The following SPTLC2 variants were observed in gnomAD, a reference collection of about 807,000 sequenced individuals.
SPTLC2 encodes the protein serine palmitoyltransferase 2.
A neutral mutation model predicts 62.0 loss-of-function variants in SPTLC2; 21 were observed. The ratio of observed to expected loss-of-function variants is 0.34; its 90% CI spans 0.24 to 0.49. The LOEUF is 0.49. Ranked by LOEUF, SPTLC2 falls within the 20% of genes least tolerant of loss-of-function variation. The probability of loss-of-function intolerance (pLI) is 0.99; values close to 1 mark genes in which losing one functional copy is unlikely to be tolerated. For synonymous variants in SPTLC2, 261 were observed against 261.8 expected (o/e 1.00, Z 0.03); for missense variants, 511 against 713.0 (o/e 0.72, Z 3.23).
intron 1 of SPTLC2, among the ~76,000 whole-genome samples, chr14:77,603,378 T>C (rs2079888283): frequency 6.6e-6 from 1 of 152,240 alleles, no homozygotes; most frequent in African/African-American, 2.4e-5. Context: ...GCTATGTTTC[T>C]GTTGCTCCTT....
At chr14:77,598,603 C>G (rs2079860950) in intron 1 of SPTLC2, among the ~76,000 whole-genome samples, 1 of 152,148 alleles carries the variant, frequency 6.6e-6, no homozygotes, top group African/African-American at 2.4e-5. Flanking sequence ...AGTGATAACA[C>G]AAGTAAATCA....
intron 7 of SPTLC2, 97 bp from the exon 8 acceptor site, chr14:77,555,616 G>T: frequency 1.6e-6 from 2 of 1,216,150 alleles, no homozygotes; most frequent in South Asian, 1.3e-5. Flanking sequence ...TGAGTTTACT[G>T]CTTCTTTTTT....
chr14:77,564,711 G>C (rs76414064), intron 5 of SPTLC2, among the ~76,000 whole-genome samples: 1 of 151,634 alleles, frequency 6.6e-6, no homozygotes, highest in Non-Finnish European at 1.5e-5. Context: ...AAAAAAAAAA[G>C]TTATTATATA....
chr14:77,581,997 C>T (rs572711696), intron 2 of SPTLC2, among the ~76,000 whole-genome samples: 2 of 151,864 alleles, frequency 1.3e-5, no homozygotes, highest in East Asian at 1.9e-4. Context: ...ACAGTACTAA[C>T]GCTTCTAATG....
rs1008748508 is a variant in SPTLC2 at position 77,509,214 on chromosome 14, T to G, written c.*3070A>C. On this transcript the variant is annotated 3_prime_UTR_variant, in exon 12 of 12. Transcript: ENST00000216484. ...TTTGGGGGTTATGGAGACTAGAAGC[T>G]TTTTTTAAAGGTAAGGATTTCTTAT... 4 of 152,106 alleles carry G rather than the reference T, an allele frequency of 2.6e-5. No individual in the cohort carries two copies. Among genetic ancestry groups the G allele is most frequent in the African/African-American group, 9.7e-5 (4 of 41,422 alleles). 9.4% of individuals were successfully genotyped at this position (152,106 alleles called of 1,614,324 possible). A position where few individuals can be genotyped will look rare whatever the true frequency, so the allele number is the denominator to read the frequency against.
intron 9 of SPTLC2, among the ~76,000 whole-genome samples, chr14:77,534,478 G>T (rs2079458560): frequency 6.6e-6 from 1 of 151,806 alleles, no homozygotes; most frequent in South Asian, 2.1e-4. Flanking sequence ...AAATTAGGAG[G>T]CTACTAACAT....
At chr14:77,597,068 C>G (rs2079851363) in intron 2 of SPTLC2, 118 bp downstream of exon 2, 1 of 968,090 alleles carries the variant, frequency 1.0e-6, no homozygotes, top group Non-Finnish European at 1.6e-6. Context: ...TTAACTGCAT[C>G]TGGAATAGTT....
intron 2 of SPTLC2, among the ~76,000 whole-genome samples, chr14:77,590,490 A>G (rs1314438583): frequency 6.6e-6 from 1 of 152,148 alleles, no homozygotes; most frequent in East Asian, 1.9e-4. Context: ...GTGGGCAGAT[A>G]GATAAACATG....
intron 8 of SPTLC2, among the ~76,000 whole-genome samples, 161 bp from the exon 9 acceptor site, chr14:77,552,383 G>A (rs765653660): frequency 4.6e-5 from 7 of 152,192 alleles, no homozygotes; most frequent in Admixed American, 3.3e-4. Flanking sequence ...GAAGCATACC[G>A]CTGGCAACAA....
chr14:77,565,345 A>G (rs1055165434), intron 5 of SPTLC2, among the ~76,000 whole-genome samples: 4 of 152,098 alleles, frequency 2.6e-5, no homozygotes, highest in African/African-American at 9.7e-5. Flanking sequence ...TTAATCCAAA[A>G]TGCTATATAC....
In SPTLC2 at chr14:77,571,508, C is replaced by CAA. The variant is rs71128649; in HGVS notation, c.632-1002_632-1001dup. On this transcript the variant is annotated intron_variant, in intron 4 of 11. Coordinates refer to ENST00000216484, the MANE Select transcript of SPTLC2 (RefSeq NM_004863.4). ...TAGGCAACAGAGCGAGACTCTGACT[C>CAA]AAAAAAAAAAAAAAAAAAGGTTCTT... 6.5e-3 allele frequency among the ~76,000 whole-genome samples: 860 copies of CAA among 133,298 alleles called. 10 individuals carry two copies. Among genetic ancestry groups the CAA allele is most frequent in the African/African-American group, 0.013 (451 of 34,526 alleles). 87.4% of individuals were successfully genotyped at this position (133,298 alleles called of 152,430 possible). A position where few individuals can be genotyped will look rare whatever the true frequency, so the allele number is the denominator to read the frequency against.
At chr14:77,564,054 C>T (rs2079629253) in intron 5 of SPTLC2, among the ~76,000 whole-genome samples, 1 of 151,674 alleles carries the variant, frequency 6.6e-6, no homozygotes, top group Non-Finnish European at 1.5e-5. Flanking sequence ...GAGTTCGAGA[C>T]CAGCCTGGCC....
chr14:77,616,277 G>T (rs1859895937), intron 1 of SPTLC2, among the ~76,000 whole-genome samples, 171 bp downstream of exon 1: 1 of 152,142 alleles, frequency 6.6e-6, no homozygotes. Flanking sequence ...CCGTCCTTGA[G>T]CCTCCAGGCT....
Position 77,570,429 on chromosome 14 carries a change from C to T in SPTLC2, c.711G>A (p.Met237Ile). The T allele has an allele frequency of 6.2e-7, 1 of 1,613,888 alleles. No homozygotes were observed. Among genetic ancestry groups the T allele is most frequent in the Non-Finnish European group, 8.5e-7 (1 of 1,179,992 alleles). The stretch of plus-strand genomic sequence containing the variant: ...TGTTCATTGAATTCGTTGCAAATCC[C>T]ATGCCATACGCCATAGCAGCTTCTA... ...LGVEAAMAYG[M>I]GFATNSMNIP... Residue 237 changes from methionine (M) to isoleucine (I), a missense_variant, in exon 5 of 12, where the codon ATG becomes ATA. Coordinates refer to ENST00000216484, the MANE Select transcript of SPTLC2 (RefSeq NM_004863.4).
rs75917472 is a variant in SPTLC2, at chr14:77,554,861, C to T, written c.1176+439G>A. The T allele has an allele frequency of 1.4e-3, 325 of 240,176 alleles. 5 individuals are homozygous for T. The East Asian group carries it at 0.031, about 23-fold the overall frequency. The allele number at this position is 240,176 out of a possible 1,614,324, so 14.9% of individuals were successfully genotyped here. A position where few individuals can be genotyped will look rare whatever the true frequency, so the allele number is the denominator to read the frequency against. ...AAATACAATGCTTTGTAGTACCCCA[C>T]AGCTGGCACAACTTTTTTGCTTCCT... On this transcript the variant is annotated intron_variant, in intron 8 of 11. Coordinates refer to ENST00000216484, the MANE Select transcript of SPTLC2 (RefSeq NM_004863.4).
intron 9 of SPTLC2, among the ~76,000 whole-genome samples, chr14:77,540,198 CT>C (rs71128639): frequency 0.96 from 130,678 of 135,806 alleles, 63,079 homozygotes; most frequent in East Asian, 1. Context: ...GAGCGAAACT[CT>C]TGTCTCAAAA....
intron 9 of SPTLC2, among the ~76,000 whole-genome samples, chr14:77,541,843 G>C (rs1243409662): frequency 6.6e-6 from 1 of 152,168 alleles, no homozygotes; most frequent in African/African-American, 2.4e-5. Context: ...GATCACCTGA[G>C]GTCAGGAGTT....
At position 77,507,806 on chromosome 14, in the gene SPTLC2, G is replaced by A. The variant is rs145218669; in HGVS notation, c.*4478C>T. 2 of 152,166 alleles carry A rather than the reference G, an allele frequency of 1.3e-5. No homozygotes were observed. Among genetic ancestry groups the A allele is most frequent in the Non-Finnish European group, 2.9e-5 (2 of 68,030 alleles). 9.4% of individuals were successfully genotyped at this position (152,166 alleles called of 1,614,324 possible). ...TCTGGGACTGAAAAAAAAAATCCCTGTAAGTTCTTGGCTTAGTAGCCAAAA... is the reference window on the plus strand; with the variant it reads ...TCTGGGACTGAAAAAAAAAATCCCTATAAGTTCTTGGCTTAGTAGCCAAAA... On this transcript the variant is annotated 3_prime_UTR_variant, in exon 12 of 12. Coordinates refer to ENST00000216484, the MANE Select transcript of SPTLC2 (RefSeq NM_004863.4).
At position 77,508,611 on chromosome 14, in the gene SPTLC2, T is replaced by C. The variant is rs1487663048; in HGVS notation, c.*3673A>G. The C allele has an allele frequency of 4.6e-5, 7 of 152,276 alleles. No homozygotes were observed. The highest frequency in any genetic ancestry group is 3.4e-3 in the Middle Eastern group (1 of 294). The allele number at this position is 152,276 out of a possible 1,614,324, so 9.4% of individuals were successfully genotyped here. On this transcript the variant is annotated 3_prime_UTR_variant, in exon 12 of 12. Coordinates refer to ENST00000216484, the MANE Select transcript of SPTLC2 (RefSeq NM_004863.4). Reference sequence around the variant, plus strand: ...TTTTCCTCCCTGAGAAATCAGGAAATCTCTCCATGGAAGCCACTCATCCCC... The same window carrying C: ...TTTTCCTCCCTGAGAAATCAGGAAACCTCTCCATGGAAGCCACTCATCCCC...
Sources: allele counts gnomAD v4.1 joint callset (sites outside exome capture counted in the v4.1 genomes callset), GRCh38; gene constraint gnomAD v4.1.1; transcripts MANE v1.5; gene names NCBI Gene and HGNC (gene_info 2026-07-23, HGNC 2026-07-21).